ACSM2B: variants seen among roughly 807,000 people sequenced by gnomAD.
The protein encoded by ACSM2B is acyl-CoA synthetase medium chain family member 2B, also known as acyl-coenzyme A synthetase ACSM2B, mitochondrial.
In ACSM2B, 58 loss-of-function variants were observed where a neutral mutation model predicts 78.6. The observed-to-expected ratio is 0.74, with a 90% CI of 0.60 to 0.92. The LOEUF (loss-of-function observed/expected upper bound fraction) is 0.92, where lower values mean the gene tolerates loss of function less well. Ranked by LOEUF, ACSM2B falls within the 40% of genes least tolerant of loss-of-function variation. ACSM2B has a pLI of 0.00. For synonymous variants in ACSM2B, 257 were observed against 256.8 expected, an observed-to-expected ratio of 1.00 and a Z score of -0.01; for missense variants, 688 against 711.2, an observed-to-expected ratio of 0.97 and a Z score of 0.37.
At chr16:20,553,698 A>G (rs113333491) in intron 5 of ACSM2B, 79 bp downstream of exon 5, 18,370 of 1,562,808 alleles carry the variant, frequency 0.012, 130 homozygotes, top group Middle Eastern at 0.019. Context: ...GACACAGCCC[A>G]GGAGCATTGG....
Position 20,546,691 on chromosome 16 carries a change from C to G in ACSM2B, c.1099-217G>C, listed in dbSNP as rs1405898638. The G allele has an allele frequency of 6.7e-6, 5 of 742,438 alleles. No homozygotes were observed. The Admixed American group carries it at 1.5e-4, about 22-fold the overall frequency. 46.0% of individuals were successfully genotyped at this position (742,438 alleles called of 1,614,324 possible). Reference sequence around the variant, plus strand: ...TTTGTTCAGGAAGCAACCCATCTACCACTCCCCAGGAAGAGGACCTAACAA... The same window carrying G: ...TTTGTTCAGGAAGCAACCCATCTACGACTCCCCAGGAAGAGGACCTAACAA... On this transcript the variant is annotated intron_variant, in intron 8 of 13. Transcript: ENST00000329697.
intron 1 of ACSM2B, chr16:20,574,018 G>C (rs557507699): frequency 6.6e-5 from 10 of 152,144 alleles, no homozygotes; most frequent in Non-Finnish European, 1.5e-4. Context: ...ATCCTAGTAA[G>C]CCTGAGGGTA....
At chr16:20,541,401 A>G (rs1465056194) in intron 12 of ACSM2B, 1 of 152,160 alleles carries the variant, frequency 6.6e-6, no homozygotes, top group Non-Finnish European at 1.5e-5. Context: ...ATCAAAGTCC[A>G]CTAGACCCCA....
At chr16:20,546,051 T>C (rs1401557314) in intron 9 of ACSM2B, among the ~76,000 whole-genome samples, 2 of 152,220 alleles carry the variant, frequency 1.3e-5, no homozygotes, top group Non-Finnish European at 2.9e-5. Context: ...ACTGAAAAGA[T>C]CGTTACCTAT....
At chr16:20,548,342 G>C (rs2015205196) in intron 7 of ACSM2B, 52 bp downstream of exon 7, 1 of 1,610,516 alleles carries the variant, frequency 6.2e-7, no homozygotes, top group Non-Finnish European at 8.5e-7. Flanking sequence ...GTATGTGAGG[G>C]AGTCAGGGGG....
intron 1 of ACSM2B, chr16:20,575,545 A>C (rs2016224476): frequency 6.6e-6 from 1 of 151,938 alleles, no homozygotes; most frequent in African/African-American, 2.4e-5. Context: ...GTACGGAAGA[A>C]AGATCTAGGC....
intron 8 of ACSM2B, chr16:20,546,852 G>T: frequency 5.5e-6 from 1 of 181,966 alleles, no homozygotes; most frequent in Non-Finnish European, 1.1e-5. Context: ...TTTTTATTTT[G>T]AATTTTTGTG....
intron 8 of ACSM2B, chr16:20,547,181 AAG>A (rs1338886026): frequency 2.3e-5 from 23 of 1,001,058 alleles, no homozygotes; most frequent in Non-Finnish European, 1.2e-5. Context: ...CCCACCTCAG[AAG>A]AGAGGCTGCT....
At chr16:20,574,610 C>G (rs1425923067) in intron 1 of ACSM2B, 1 of 150,906 alleles carries the variant, frequency 6.6e-6, no homozygotes, top group Non-Finnish European at 1.5e-5. Flanking sequence ...TCTGCCTCAG[C>G]TCTGGCCGAT....
At chr16:20,537,854 G>A (rs2014886838) in intron 13 of ACSM2B, among the ~76,000 whole-genome samples, 2 of 152,182 alleles carry the variant, frequency 1.3e-5, no homozygotes, top group Non-Finnish European at 2.9e-5. Context: ...GGATTAATCT[G>A]AGGTCTTTAG....
intron 10 of ACSM2B, among the ~76,000 whole-genome samples, chr16:20,543,635 T>C (rs1170621537): frequency 6.6e-6 from 1 of 152,330 alleles, no homozygotes; most frequent in East Asian, 1.9e-4. Flanking sequence ...GATTAGGTAC[T>C]TTTCTTAGCT....
Position 20,564,341 on chromosome 16 carries a change from G to A in ACSM2B, c.177+328C>T, listed in dbSNP as rs537523720. ...ATTTGCTATTATTAGATTCAAACCC[G>A]CCTCTTCTACGACCCCAGACCAAAA... On this transcript the variant is annotated intron_variant, in intron 2 of 13. Transcript: ENST00000329697. 9.2e-5 allele frequency among the ~76,000 whole-genome samples: 14 copies of A among 151,852 alleles called. No homozygotes were observed. In the South Asian group the frequency reaches 1.3e-3, roughly 14 times the overall value.
chr16:20,551,471 T>C (rs1011992806), intron 6 of ACSM2B, among the ~76,000 whole-genome samples: 8 of 152,018 alleles, frequency 5.3e-5, no homozygotes, highest in African/African-American at 1.9e-4. Context: ...CATGTGAGAA[T>C]ATAGCAGTAA....
intron 1 of ACSM2B, among the ~76,000 whole-genome samples, chr16:20,565,935 G>A (rs1221968146): frequency 6.6e-6 from 1 of 151,422 alleles, no homozygotes; most frequent in Non-Finnish European, 1.5e-5. Flanking sequence ...TTCCATTCCT[G>A]AATTACTTCA....
intron 12 of ACSM2B, 30 bp from the exon 13 acceptor site, chr16:20,540,803 G>C (rs745784371): frequency 6.2e-7 from 1 of 1,609,414 alleles, no homozygotes; most frequent in Non-Finnish European, 8.5e-7. Flanking sequence ...CAAGAGATAA[G>C]GGATTAGAGT....
chr16:20,569,945 G>A (rs1444273232), intron 1 of ACSM2B, among the ~76,000 whole-genome samples: 7 of 151,730 alleles, frequency 4.6e-5, no homozygotes, highest in Non-Finnish European at 1.0e-4. Context: ...TTTATTAGTT[G>A]TAGGAGTTCT....
Position 20,540,727 on chromosome 16 carries a change from T to C in ACSM2B, c.1556A>G (p.Asp519Gly). Residue 519 changes from aspartate to glycine, a missense_variant, in exon 13 of 14, where the codon GAC (aspartate) becomes GGC (glycine). By Grantham distance (94) the Asp-to-Gly change is moderately conservative. Coordinates refer to ENST00000329697, the MANE Select transcript of ACSM2B (RefSeq NM_001105069.2). ...VILASQFLSH[D>G]PEQLTKELQQ... is the part of the protein sequence containing the mutation. The stretch of plus-strand genomic sequence containing the variant: ...CAGCTCCTTGGTGAGCTGTTCTGGG[T>C]CATGGGATAGGAACTGCGAGGCCAG... 1 of 1,614,068 alleles carries C rather than the reference T, an allele frequency of 6.2e-7. No homozygotes were observed. Among genetic ancestry groups the C allele is most frequent in the South Asian group, 1.1e-5 (1 of 91,082 alleles).
chr16:20,555,018 A>G (rs1240019690), intron 4 of ACSM2B, among the ~76,000 whole-genome samples: 2 of 152,118 alleles, frequency 1.3e-5, no homozygotes, highest in Non-Finnish European at 2.9e-5. Flanking sequence ...GTGCTTTTCA[A>G]TCCTTTAGAG....
chr16:20,567,224 TATATATAATATATAGTGTA>T (rs926364679), intron 1 of ACSM2B, among the ~76,000 whole-genome samples: 2 of 129,880 alleles, frequency 1.5e-5, no homozygotes, highest in Non-Finnish European at 3.1e-5. Flanking sequence ...TACTATATAC[TATATATAATATATAGTGTA>T]ATATATAATA....
Sources: allele counts gnomAD v4.1 joint callset (sites outside exome capture counted in the v4.1 genomes callset), GRCh38; gene constraint gnomAD v4.1.1; transcripts MANE v1.5; gene names NCBI Gene and HGNC (gene_info 2026-07-23, HGNC 2026-07-21).